Variants in CSMD1 observed in about 807,000 individuals in gnomAD.
The protein encoded by CSMD1 is CUB and Sushi multiple domains 1.
Under a neutral mutation model 417.5 loss-of-function variants are expected in CSMD1, and 213 were observed. That is an observed-to-expected ratio of 0.51 (90% CI 0.46 to 0.57). CSMD1 has a LOEUF of 0.57. Ranked by LOEUF, CSMD1 falls within the 20% of genes least tolerant of loss-of-function variation. The probability of loss-of-function intolerance (pLI) is 0.00; values close to 1 mark genes in which losing one functional copy is unlikely to be tolerated. For missense variants in CSMD1, 6,923 were observed against 4,529.7 expected, an observed-to-expected ratio of 1.53 and a Z score of -15.17; for synonymous variants, 2,862 against 1,736.8, an observed-to-expected ratio of 1.65 and a Z score of -16.11.
intron 1 of CSMD1, among the ~76,000 whole-genome samples, chr8:4,666,199 T>A (rs1465274483): frequency 1.3e-5 from 2 of 152,150 alleles, no homozygotes; most frequent in African/African-American, 2.4e-5. Flanking sequence ...AAGTCCTACT[T>A]CCTGGAAACT....
At chr8:3,749,427 T>G (rs1301549685) in intron 6 of CSMD1, among the ~76,000 whole-genome samples, 1 of 152,190 alleles carries the variant, frequency 6.6e-6, no homozygotes, top group South Asian at 2.1e-4. Flanking sequence ...ACCTTACTAC[T>G]GCTTCTGACA....
chr8:3,797,853 G>A (rs1800244129), intron 5 of CSMD1, among the ~76,000 whole-genome samples: 1 of 151,984 alleles, frequency 6.6e-6, no homozygotes, highest in Admixed American at 6.6e-5. Context: ...TAAGGTGATT[G>A]TACCATTTTA....
chr8:4,344,068 C>A (rs941159145), intron 3 of CSMD1, among the ~76,000 whole-genome samples: 1 of 152,148 alleles, frequency 6.6e-6, no homozygotes, highest in African/African-American at 2.4e-5. Flanking sequence ...TGCGCACACA[C>A]ATACTCTGGC....
chr8:3,652,863 G>T (rs1232785602), intron 7 of CSMD1, among the ~76,000 whole-genome samples: 1 of 152,164 alleles, frequency 6.6e-6, no homozygotes, highest in African/African-American at 2.4e-5. Flanking sequence ...CTAGAACAGA[G>T]GGTGCACACA....
At chr8:3,687,911 C>G (rs547481491) in intron 7 of CSMD1, among the ~76,000 whole-genome samples, 6 of 152,238 alleles carry the variant, frequency 3.9e-5, no homozygotes, top group African/African-American at 1.2e-4. Flanking sequence ...GCTGTGAGCT[C>G]TGAGTAAATG....
intron 3 of CSMD1, among the ~76,000 whole-genome samples, chr8:4,396,103 T>A (rs1804189044): frequency 1.3e-5 from 2 of 151,174 alleles, no homozygotes; most frequent in African/African-American, 4.9e-5. Context: ...TTGTGTTTAG[T>A]ATTTTTAAGT....
chr8:3,788,388 G>A (rs1156932734), intron 5 of CSMD1, among the ~76,000 whole-genome samples: 1 of 152,104 alleles, frequency 6.6e-6, no homozygotes, highest in Non-Finnish European at 1.5e-5. Context: ...AGCCTTCATT[G>A]GTCACAGAAG....
At chr8:4,989,315 G>A (rs527368545) in intron 1 of CSMD1, among the ~76,000 whole-genome samples, 9 of 152,252 alleles carry the variant, frequency 5.9e-5, no homozygotes, top group Non-Finnish European at 1.2e-4. Flanking sequence ...TGCTGTGGTG[G>A]CTGTGCCACA....
intron 26 of CSMD1, among the ~76,000 whole-genome samples, chr8:3,236,112 G>T (rs1159730424): frequency 6.6e-6 from 1 of 151,738 alleles, no homozygotes; most frequent in Non-Finnish European, 1.5e-5. Context: ...TAGAGACAGG[G>T]TTTCACCATG....
In CSMD1 at chr8:4,427,964, C is replaced by T. The variant is rs142487631; in HGVS notation, c.303-7899G>A. Among the ~76,000 whole-genome samples, 551 of 152,272 alleles carry T rather than the reference C, an allele frequency of 3.6e-3. 3 individuals carry two copies. The highest frequency in any genetic ancestry group is 0.013 in the African/African-American group (523 of 41,552). On this transcript the variant is annotated intron_variant, in intron 2 of 69. Coordinates refer to ENST00000635120, the MANE Select transcript of CSMD1 (RefSeq NM_033225.6). ...GTTATGTTTTCAAATGTTTTTCTGACTCCTTGCTGTGACACCTCATTGGCC... is the reference window on the plus strand; with the variant it reads ...GTTATGTTTTCAAATGTTTTTCTGATTCCTTGCTGTGACACCTCATTGGCC...
chr8:3,220,383 G>A (rs147370705), intron 28 of CSMD1, among the ~76,000 whole-genome samples: 1 of 152,166 alleles, frequency 6.6e-6, no homozygotes, highest in Non-Finnish European at 1.5e-5. Flanking sequence ...ATTCAAAGGT[G>A]TCAAGGGCTG....
chr8:3,962,285 C>G (rs1262417062), intron 5 of CSMD1, among the ~76,000 whole-genome samples: 1 of 150,826 alleles, frequency 6.6e-6, no homozygotes. Flanking sequence ...CTGGAACTGC[C>G]CTACACATTC....
At chr8:3,881,491 G>C (rs1057021848) in intron 5 of CSMD1, among the ~76,000 whole-genome samples, 2 of 151,090 alleles carry the variant, frequency 1.3e-5, no homozygotes, top group Non-Finnish European at 2.9e-5. Context: ...AAAAAAATTA[G>C]CTGGGCGTAG....
chr8:4,346,830 T>C (rs562052561), intron 3 of CSMD1, among the ~76,000 whole-genome samples: 278 of 152,334 alleles, frequency 1.8e-3, no homozygotes, highest in Non-Finnish European at 3.3e-3. Context: ...TCCAAGGGGA[T>C]TGAGACTGAG....
intron 3 of CSMD1, among the ~76,000 whole-genome samples, chr8:4,300,711 A>T (rs1444591476): frequency 1.3e-5 from 2 of 152,002 alleles, no homozygotes; most frequent in South Asian, 2.1e-4. Flanking sequence ...CAGTCCCCGG[A>T]GTGTGATGTT....
chr8:4,950,525 T>TA (rs1172881531), intron 1 of CSMD1, among the ~76,000 whole-genome samples: 1 of 152,182 alleles, frequency 6.6e-6, no homozygotes, highest in Non-Finnish European at 1.5e-5. Flanking sequence ...ACTTTATTCA[T>TA]AAAAAAGTAA....
At chr8:4,745,406 T>C (rs568337554) in intron 1 of CSMD1, among the ~76,000 whole-genome samples, 2 of 152,322 alleles carry the variant, frequency 1.3e-5, no homozygotes, top group Non-Finnish European at 1.5e-5. Context: ...TAAATATAAA[T>C]ATGTAGCTCT....
intron 5 of CSMD1, among the ~76,000 whole-genome samples, chr8:3,769,914 A>G (rs1030281249): frequency 2.0e-5 from 3 of 152,214 alleles, no homozygotes; most frequent in Non-Finnish European, 2.9e-5. Context: ...AGAAATGCCT[A>G]TTGCAATATT....
intron 7 of CSMD1, among the ~76,000 whole-genome samples, chr8:3,624,757 G>A (rs1352910094): frequency 1.3e-5 from 2 of 152,164 alleles, no homozygotes; most frequent in African/African-American, 2.4e-5. Context: ...AGACCTTCCT[G>A]CTTTACTCAG....
Sources: allele counts gnomAD v4.1 joint callset (sites outside exome capture counted in the v4.1 genomes callset), GRCh38; gene constraint gnomAD v4.1.1; transcripts MANE v1.5; gene names NCBI Gene and HGNC (gene_info 2026-07-23, HGNC 2026-07-21).